SKAP1: variants seen among roughly 807,000 people sequenced by gnomAD.
SKAP1 encodes the protein src kinase associated phosphoprotein 1.
A neutral mutation model predicts 58.5 loss-of-function variants in SKAP1; 44 were observed. That is an observed-to-expected ratio of 0.75 (90% CI 0.59 to 0.97). The LOEUF (loss-of-function observed/expected upper bound fraction) is 0.97. Among genes scored for constraint, SKAP1 ranks in the 50% least tolerant of loss-of-function variants. The pLI is 0.00. For missense variants in SKAP1, 390 were observed against 435.2 expected (o/e 0.90, Z 0.92); for synonymous variants, 127 against 149.7 (o/e 0.85, Z 1.11).
chr17:48,166,249 C>G (rs957688812), intron 10 of SKAP1, among the ~76,000 whole-genome samples: 1 of 152,122 alleles, frequency 6.6e-6, no homozygotes, highest in South Asian at 2.1e-4. Context: ...CTCCAAGCAA[C>G]CAAAATGTCA....
chr17:48,170,479 G>T, intron 10 of SKAP1, 130 bp downstream of exon 10: 1 of 765,110 alleles, frequency 1.3e-6, no homozygotes, highest in South Asian at 1.6e-5. Flanking sequence ...TTAGGGCTTT[G>T]GGGTTCACAC....
intron 2 of SKAP1, among the ~76,000 whole-genome samples, chr17:48,388,263 G>GTC (rs1457856905): frequency 6.6e-6 from 1 of 152,018 alleles, no homozygotes; most frequent in Non-Finnish European, 1.5e-5. Context: ...GTGAAACCCT[G>GTC]TCTGTACTAA....
At chr17:48,138,425 A>C (rs889792816) in intron 11 of SKAP1, among the ~76,000 whole-genome samples, 1 of 148,502 alleles carries the variant, frequency 6.7e-6, no homozygotes, top group Non-Finnish European at 1.5e-5. Flanking sequence ...GCTGGAGTGC[A>C]GTGGCGCAAT....
chr17:48,222,999 G>A (rs150651501), intron 4 of SKAP1, among the ~76,000 whole-genome samples: 2 of 139,294 alleles, frequency 1.4e-5, no homozygotes, highest in African/African-American at 5.2e-5. Context: ...GGGAGGCAGA[G>A]GTTGCAGTGA....
chr17:48,357,593 G>T (rs2066892293), intron 3 of SKAP1, among the ~76,000 whole-genome samples: 1 of 152,022 alleles, frequency 6.6e-6, no homozygotes, highest in African/African-American at 2.4e-5. Context: ...TCGTGCCACT[G>T]CACTCCAGCC....
intron 4 of SKAP1, among the ~76,000 whole-genome samples, chr17:48,324,219 C>T (rs950332399): frequency 6.6e-6 from 1 of 152,022 alleles, no homozygotes; most frequent in Non-Finnish European, 1.5e-5. Context: ...TTGTATCCTG[C>T]CTTTTCCCTT....
chr17:48,373,124 T>TA (rs1475193795), intron 2 of SKAP1, among the ~76,000 whole-genome samples: 1 of 152,154 alleles, frequency 6.6e-6, no homozygotes, highest in Non-Finnish European at 1.5e-5. Flanking sequence ...AATTTATAAA[T>TA]AAAAGAGGTT....
intron 4 of SKAP1, among the ~76,000 whole-genome samples, chr17:48,341,483 A>G (rs2144312057): frequency 6.6e-6 from 1 of 152,308 alleles, no homozygotes; most frequent in Admixed American, 6.5e-5. Context: ...AAACAGAGAA[A>G]TGTCTTAAAA....
At chr17:48,282,854 C>T (rs1454642451) in intron 4 of SKAP1, among the ~76,000 whole-genome samples, 1 of 151,818 alleles carries the variant, frequency 6.6e-6, no homozygotes, top group Non-Finnish European at 1.5e-5. Flanking sequence ...TTGTGCTCCT[C>T]TGATAAATGC....
intron 4 of SKAP1, among the ~76,000 whole-genome samples, chr17:48,303,533 T>C (rs1291846577): frequency 6.6e-6 from 1 of 152,198 alleles, no homozygotes; most frequent in Non-Finnish European, 1.5e-5. Context: ...AGTTGTTGAG[T>C]GAGTATGCTA....
chr17:48,215,811 C>T (rs776827973), intron 4 of SKAP1, among the ~76,000 whole-genome samples: 1 of 152,052 alleles, frequency 6.6e-6, no homozygotes, highest in Non-Finnish European at 1.5e-5. Flanking sequence ...TAGAGGCAGC[C>T]CCAGCATCAC....
chr17:48,442,348 T>A, the SKAP1 span, among the ~76,000 whole-genome samples: 3 of 152,260 alleles, frequency 2.0e-5, no homozygotes, highest in East Asian at 5.8e-4. Flanking sequence ...AAGCAATCTA[T>A]CCATCATACC....
At chr17:48,288,653 T>G (rs1323040179) in intron 4 of SKAP1, among the ~76,000 whole-genome samples, 1 of 152,092 alleles carries the variant, frequency 6.6e-6, no homozygotes, top group African/African-American at 2.4e-5. Context: ...GCCACTGCAC[T>G]CCAGCCTGGG....
At chr17:48,244,222 C>G (rs923699610) in intron 4 of SKAP1, among the ~76,000 whole-genome samples, 3 of 152,142 alleles carry the variant, frequency 2.0e-5, no homozygotes, top group African/African-American at 7.2e-5. Context: ...TCCAATGAAG[C>G]CTTTTCTCCA....
At chr17:48,193,694 C>T (rs898009498) in intron 4 of SKAP1, 1 of 984,718 alleles carries the variant, frequency 1.0e-6, no homozygotes, top group Non-Finnish European at 1.2e-6. Context: ...TGATCAAGAA[C>T]TAGTGATCCT....
chr17:48,378,803 T>C (rs1300890047), intron 2 of SKAP1, among the ~76,000 whole-genome samples: 2 of 152,182 alleles, frequency 1.3e-5, no homozygotes, highest in African/African-American at 4.8e-5. Context: ...GCATAGAGCT[T>C]GTGCTCAATA....
At chr17:48,256,335 T>G (rs1011769714) in intron 4 of SKAP1, among the ~76,000 whole-genome samples, 4 of 152,124 alleles carry the variant, frequency 2.6e-5, no homozygotes, top group Admixed American at 2.6e-4. Context: ...AAATTGTTAA[T>G]TATAATTGAC....
intron 2 of SKAP1, among the ~76,000 whole-genome samples, chr17:48,367,549 T>TATATATCCATATATATATATATATATAA: frequency 7.1e-6 from 1 of 141,272 alleles, no homozygotes; most frequent in Admixed American, 7.4e-5. Flanking sequence ...TATATATATA[T>TATATATCCATATATATATATATATATAA]GGATATATAT....
At chr17:48,398,669 T>G (rs1052262865) in intron 1 of SKAP1, among the ~76,000 whole-genome samples, 1 of 152,146 alleles carries the variant, frequency 6.6e-6, no homozygotes, top group Non-Finnish European at 1.5e-5. Context: ...AAAATTTGTT[T>G]TATATTCACG....
Sources: gnomAD v4.1 joint callset for allele counts (sites outside exome capture counted in the v4.1 genomes callset) on GRCh38, gnomAD v4.1.1 for gene constraint, MANE v1.5 for transcripts, NCBI Gene and HGNC (gene_info 2026-07-23, HGNC 2026-07-21) for gene names.